The following STOX2 variants were observed in gnomAD, a reference collection of about 807,000 sequenced individuals.
STOX2 encodes the protein storkhead-box protein 2.
A neutral mutation model predicts 60.9 loss-of-function variants in STOX2; 28 were observed. That is an observed-to-expected ratio of 0.46 (90% confidence interval 0.34 to 0.63). The LOEUF (loss-of-function observed/expected upper bound fraction) is 0.63. Ranked by LOEUF, STOX2 falls within the 30% of genes least tolerant of loss-of-function variation. The pLI is 0.01. For missense variants in STOX2, 1,024 were observed against 1,187.7 expected (o/e 0.86, Z 2.03); for synonymous variants, 472 against 463.9 (o/e 1.02, Z -0.22).
intron 1 of STOX2, among the ~76,000 whole-genome samples, chr4:183,943,663 G>A (rs1181374142): frequency 3.3e-5 from 5 of 152,228 alleles, no homozygotes; most frequent in Non-Finnish European, 5.9e-5. Context: ...CAAATCACGA[G>A]GTCAGGAGTT....
chr4:183,892,005 C>G (rs1039275191), intron 1 of STOX2, among the ~76,000 whole-genome samples: 1 of 152,128 alleles, frequency 6.6e-6, no homozygotes, highest in Non-Finnish European at 1.5e-5. Flanking sequence ...CCGGCGGTCT[C>G]CACAATGGGA....
chr4:183,843,818 A>G (rs1043264114), intron 1 of STOX2, among the ~76,000 whole-genome samples: 1 of 152,212 alleles, frequency 6.6e-6, no homozygotes, highest in African/African-American at 2.4e-5. Flanking sequence ...CTTTAATTCC[A>G]TAATCCATGT....
chr4:183,910,349 T>G (rs1479189894), intron 1 of STOX2, among the ~76,000 whole-genome samples: 2 of 152,206 alleles, frequency 1.3e-5, no homozygotes, highest in Non-Finnish European at 2.9e-5. Flanking sequence ...GCTTAGTACT[T>G]TATGTATGAA....
At chr4:183,961,370 G>GCTGCTC (rs1236219877) in intron 1 of STOX2, among the ~76,000 whole-genome samples, 1 of 152,136 alleles carries the variant, frequency 6.6e-6, no homozygotes, top group Non-Finnish European at 1.5e-5. Flanking sequence ...TGCTGCTGCT[G>GCTGCTC]CTGCTGCTGC....
chr4:183,816,840 C>T lies in STOX2; in HGVS notation c.364+18785C>T, dbSNP rs1004285682. ...AAAAAGTCCTCATTAAAGATAGGCT[C>T]ATGAAAATTAGCGTATTTTTGTGTC... On this transcript the variant is annotated intron_variant, in intron 1 of 2. Transcript: ENST00000513034. Among the ~76,000 whole-genome samples, 9 of 152,180 alleles carry T rather than the reference C, an allele frequency of 5.9e-5. No individual in the cohort carries two copies. In the South Asian group the frequency reaches 1.0e-3, roughly 18 times the overall value.
intron 1 of STOX2, among the ~76,000 whole-genome samples, chr4:183,888,735 A>G (rs1024029414): frequency 6.6e-6 from 1 of 152,198 alleles, no homozygotes; most frequent in African/African-American, 2.4e-5. Context: ...CAGGAATGAG[A>G]CAGACTCTTG....
intron 1 of STOX2, among the ~76,000 whole-genome samples, chr4:183,873,616 G>C (rs1179934594): frequency 2.0e-5 from 3 of 152,154 alleles, no homozygotes; most frequent in Non-Finnish European, 2.9e-5. Context: ...TGTTTCCATA[G>C]ATATTGTGGG....
At chr4:183,875,590 G>A (rs1053725037) in intron 1 of STOX2, among the ~76,000 whole-genome samples, 1 of 152,238 alleles carries the variant, frequency 6.6e-6, no homozygotes, top group East Asian at 1.9e-4. Context: ...GCAGTAGCTG[G>A]TGTCTCCTTT....
At position 184,010,965 on chromosome 4, in the gene STOX2, C is replaced by A. The variant is rs771242652; in HGVS notation, c.2127C>A (p.Ser709Arg). ...ACACACTGTTCAAACCTCTTCACAGCACCTTGTCTGTAAACAGCTATCACA... is the reference window on the plus strand; with the variant it reads ...ACACACTGTTCAAACCTCTTCACAGAACCTTGTCTGTAAACAGCTATCACA... ...SKDTLFKPLH[S>R]TLSVNSYHKS... is the part of the protein sequence containing the mutation. Residue 709 changes from serine (S) to arginine (R), a missense_variant, in exon 3 of 4, where the codon AGC becomes AGA. Ser to Arg is a moderately radical substitution (Grantham distance 110, BLOSUM62 -1). Around this residue, in one of 3 missense-constraint regions of STOX2, gnomAD observed 922 missense variants for 1,058.3 expected, o/e 0.87. Transcript: ENST00000308497. This position sits in a 1 kb window ranked among gnomAD's most constrained non-coding sequence, Gnocchi z 4.5. 2.5e-6 allele frequency: 4 copies of A among 1,613,304 alleles called. No homozygotes were observed. In the African/African-American group the frequency reaches 4.0e-5, roughly 16 times the overall value.
At chr4:184,013,050 T>G (rs765971870) in intron 3 of STOX2, among the ~76,000 whole-genome samples, 11 of 152,162 alleles carry the variant, frequency 7.2e-5, no homozygotes, top group African/African-American at 1.2e-4. Context: ...CTGTTTCTCA[T>G]TATGTAGCCT....
chr4:183,918,769 CAT>C (rs1373446047), intron 1 of STOX2, among the ~76,000 whole-genome samples: 2 of 152,212 alleles, frequency 1.3e-5, no homozygotes, highest in Non-Finnish European at 2.9e-5. Flanking sequence ...CCACTCTTCA[CAT>C]GTGTTAATAT....
chr4:183,876,147 C>T (rs541963841), intron 1 of STOX2, among the ~76,000 whole-genome samples: 35 of 152,164 alleles, frequency 2.3e-4, no homozygotes, highest in Admixed American at 5.9e-4. Flanking sequence ...CCAAGCTCTG[C>T]GTCTTGCAGA....
At chr4:183,891,611 A>G (rs1056685605) in intron 1 of STOX2, among the ~76,000 whole-genome samples, 2 of 151,088 alleles carry the variant, frequency 1.3e-5, no homozygotes, top group Non-Finnish European at 2.9e-5. Flanking sequence ...TTGGGAGGAA[A>G]GGGTGGGAGG....
chr4:183,982,351 A>G (rs1194059494), intron 1 of STOX2, among the ~76,000 whole-genome samples: 1 of 152,232 alleles, frequency 6.6e-6, no homozygotes, highest in East Asian at 1.9e-4. Context: ...GTTTCCTTAC[A>G]TATACAGTGC....
At chr4:183,833,523 A>G (rs1372211487) in intron 1 of STOX2, among the ~76,000 whole-genome samples, 1 of 152,140 alleles carries the variant, frequency 6.6e-6, no homozygotes, top group Admixed American at 6.5e-5. Context: ...CCAAATGCAA[A>G]CAGTGGTATG....
At position 184,010,425 on chromosome 4, in the gene STOX2, C is replaced by G. The variant is rs377710767; in HGVS notation, c.1587C>G (p.Asp529Glu). ...AGACCCCCAGCCAATCCTACATTGA[C>G]GACAGTACTTTAAGGCCTGCACAGA... ...DDQTPSQSYI[D>E]DSTLRPAQTV... The change falls in exon 3 of 4, where the codon GAC becomes GAG. Residue 529 changes from aspartate (D) to glutamate (E), a missense_variant. Around this residue, in one of 3 missense-constraint regions of STOX2, gnomAD observed 922 missense variants for 1,058.3 expected, o/e 0.87. Transcript: ENST00000308497. The surrounding 1 kb of genome is among the most constrained non-coding windows in gnomAD (Gnocchi z 4.5). 5.6e-6 allele frequency: 9 copies of G among 1,613,824 alleles called. No individual in the cohort carries two copies. The highest frequency in any genetic ancestry group is 6.8e-6 in the Non-Finnish European group (8 of 1,179,842).
chr4:183,956,395 T>C (rs56061238), intron 1 of STOX2, among the ~76,000 whole-genome samples: 1 of 146,296 alleles, frequency 6.8e-6, no homozygotes, highest in South Asian at 2.1e-4. Context: ...TATCTATCTA[T>C]CTATCTATCT....
intron 1 of STOX2, among the ~76,000 whole-genome samples, chr4:183,977,947 T>C (rs919199686): frequency 6.6e-6 from 1 of 152,232 alleles, no homozygotes; most frequent in Non-Finnish European, 1.5e-5. Context: ...ATGGGGTTAC[T>C]TGTTTCTTTC....
At chr4:183,992,462 G>T (rs564756194) in intron 1 of STOX2, among the ~76,000 whole-genome samples, 18 of 152,370 alleles carry the variant, frequency 1.2e-4, no homozygotes, top group African/African-American at 4.3e-4. Flanking sequence ...AGCATCTAAT[G>T]TCTAGTGTTA....
Sources: gnomAD v4.1 joint callset for allele counts (sites outside exome capture counted in the v4.1 genomes callset) on GRCh38, gnomAD v4.1.1 for gene constraint, gnomAD v4.1.1 regional missense constraint, Gnocchi (gnomAD v3.1) non-coding constraint, MANE v1.5 for transcripts, NCBI Gene and HGNC (gene_info 2026-07-23, HGNC 2026-07-21) for gene names.